GTPBP6: variants seen among roughly 807,000 people sequenced by gnomAD.
GTPBP6 encodes the protein putative GTP-binding protein 6.
Under a neutral mutation model 28.9 loss-of-function variants are expected in GTPBP6, and 33 were observed. The ratio of observed to expected loss-of-function variants is 1.14; its 90% confidence interval spans 0.87 to 1.53. The LOEUF is 1.53. GTPBP6 is among the 40% of genes most tolerant of loss of function. The pLI, the probability that GTPBP6 is intolerant of heterozygous loss-of-function variation, is 0.00. For missense variants in GTPBP6, 507 were observed against 408.3 expected (o/e 1.24, Z -2.08); for synonymous variants, 231 against 192.7 (o/e 1.20, Z -1.65).
chrX:307,938 T>A, intron 7 of GTPBP6, 58 bp from the exon 8 acceptor site: 1 of 1,407,052 alleles, frequency 7.1e-7, no homozygotes, highest in South Asian at 1.7e-5. Context: ...ACCCCAAGCT[T>A]GCAGACAGGC....
In GTPBP6 at chrX:313,925, G is replaced by T. The variant is rs4074621; in HGVS notation, c.757+225C>A. Among the ~76,000 whole-genome samples the T allele has an allele frequency of 8.6e-5, 10 of 116,032 alleles. No individual in the cohort carries two copies. The East Asian group carries it at 1.9e-3, about 22-fold the overall frequency. The allele number at this position is 116,032 out of a possible 152,430, so 76.1% of individuals were successfully genotyped here. On this transcript the variant is annotated intron_variant, in intron 5 of 9. Coordinates refer to ENST00000326153, the Ensembl canonical transcript of GTPBP6. Reference sequence around the variant, plus strand: ...TAGGCAAAACCTCCAAAAACCACCAGCATCTCCTATCTCCTCAAATGCTAC... The same window carrying T: ...TAGGCAAAACCTCCAAAAACCACCATCATCTCCTATCTCCTCAAATGCTAC...
chrX:316,340 GACACAC>G (rs1168593634), intron 2 of GTPBP6, among the ~76,000 whole-genome samples: 44 of 94,846 alleles, frequency 4.6e-4, no homozygotes, highest in African/African-American at 1.1e-3. Flanking sequence ...TCCCATTGGG[GACACAC>G]ACACACACAC....
exon 9 of GTPBP6, chrX:307,400 T>G (rs760540454): frequency 1.2e-6 from 2 of 1,612,606 alleles, no homozygotes; most frequent in East Asian, 4.5e-5. Context: ...AGAGTGAGGA[T>G]CTGTCTCCCC....
rs764614916 is a variant in GTPBP6 at position 306,254 on chromosome X, A to T, written c.1428-1057T>A. 4.0e-5 allele frequency among the ~76,000 whole-genome samples: 6 copies of T among 148,694 alleles called. No homozygotes were observed. The South Asian group carries it at 1.2e-3, about 31-fold the overall frequency. On this transcript the variant is annotated intron_variant, in intron 9 of 9. Transcript: ENST00000326153. ...AGGCACCTGTTGTATGCAGTCAGAA[A>T]TGTACATTTTGACTGTCAGCACAGA...
intron 7 of GTPBP6, among the ~76,000 whole-genome samples, chrX:310,644 G>C (rs1396910152): frequency 6.6e-6 from 1 of 150,840 alleles, no homozygotes; most frequent in Non-Finnish European, 1.5e-5. Context: ...CAGAGGAGAA[G>C]GCCACAGACA....
intron 7 of GTPBP6, among the ~76,000 whole-genome samples, chrX:309,344 C>T (rs2070237384): frequency 1.3e-5 from 2 of 152,278 alleles, no homozygotes; most frequent in Middle Eastern, 3.4e-3. Flanking sequence ...TCCACATCCA[C>T]CAGCAGCCTC....
rs2070206087 is a variant in GTPBP6 at position 307,873 on chromosome X, A to G, written c.1133T>C (p.Ile378Thr). ...GTGGCTGACGTCCCTCACGTGCAAG[A>G]TGAGATCCTGTGGGCCGGGCCGTGG... The change falls in exon 8 of 10, where the codon ATC (isoleucine) becomes ACC (threonine). Residue 378 changes from isoleucine (I) to threonine (T), a missense_variant. Transcript: ENST00000326153. The G allele has an allele frequency of 3.9e-6, 6 of 1,526,376 alleles. No individual in the cohort carries two copies. The East Asian group carries it at 1.4e-4, about 36-fold the overall frequency. The allele number at this position is 1,526,376 out of a possible 1,614,324, so 94.6% of individuals were successfully genotyped here.
At chrX:311,187 G>GT (rs1491496906) in intron 7 of GTPBP6, among the ~76,000 whole-genome samples, 88 of 144,048 alleles carry the variant, frequency 6.1e-4, no homozygotes, top group African/African-American at 2.3e-3. Flanking sequence ...GCCCCGAGTT[G>GT]GGTGGGTGTC....
intron 9 of GTPBP6, 89 bp downstream of exon 9, chrX:307,271 C>G: frequency 8.1e-7 from 1 of 1,232,634 alleles, no homozygotes; most frequent in Non-Finnish European, 1.2e-6. Flanking sequence ...GATCTCACAG[C>G]TCCTTGTGCA....
intron 4 of GTPBP6, among the ~76,000 whole-genome samples, chrX:314,498 A>G (rs1243097407): frequency 2.1e-5 from 3 of 145,894 alleles, no homozygotes; most frequent in South Asian, 4.3e-4. Context: ...TTTTAGACGG[A>G]GTCTCGCTCT....
In GTPBP6 at chrX:307,555, C is replaced by T. The variant is rs57181772; in HGVS notation, c.1275-43G>A. 3.1e-3 allele frequency: 4,900 copies of T among 1,596,892 alleles called. 83 individuals are homozygous for T. The African/African-American group carries it at 0.057, about 18-fold the overall frequency. On this transcript the variant is annotated intron_variant, in intron 8 of 9. Coordinates refer to ENST00000326153, the Ensembl canonical transcript of GTPBP6. The stretch of plus-strand genomic sequence containing the variant: ...TCACAGGCCCCGCTCAGCGTCGGGG[C>T]GGCCGGACGAAATCAGGGTCCCCAG...
At chrX:306,522 TAC>T (rs926885974) in intron 9 of GTPBP6, among the ~76,000 whole-genome samples, 48 of 146,174 alleles carry the variant, frequency 3.3e-4, no homozygotes, top group East Asian at 9.8e-4. Context: ...GTCAGAAATG[TAC>T]ATTTTGTCAG....
rs753373688 is a variant in GTPBP6 at position 305,237 on chromosome X, C to T, written c.1428-40G>A. ...GCGTTGTATGGAGACAAGCAGAACC[C>T]GTAAGTATTTGCTTAGTTTCATGAT... On this transcript the variant is annotated intron_variant, in intron 9 of 9. Coordinates refer to ENST00000326153, the Ensembl canonical transcript of GTPBP6. 24 of 1,443,508 alleles carry T rather than the reference C, an allele frequency of 1.7e-5. No individual in the cohort carries two copies. In the East Asian group the frequency reaches 2.5e-4, roughly 15 times the overall value. 89.4% of individuals were successfully genotyped at this position (1,443,508 alleles called of 1,614,324 possible). A position where few individuals can be genotyped will look rare whatever the true frequency, so the allele number is the denominator to read the frequency against.
intron 2 of GTPBP6, among the ~76,000 whole-genome samples, chrX:316,276 CA>C (rs2070438502): frequency 2.0e-5 from 1 of 48,830 alleles, no homozygotes; most frequent in Non-Finnish European, 4.9e-5. Flanking sequence ...GACACACACA[CA>C]GTAAATACAT....
rs1556036245 is a variant in GTPBP6, at chrX:316,340, G to GACACACGGACACACACAC, written c.487+573_487+574insGTGTGTGTGTCCGTGTGT. On this transcript the variant is annotated intron_variant, in intron 2 of 9. Transcript: ENST00000326153. ...TGCACCGTGGACACATCCCATTGGG[G>GACACACGGACACACACAC]ACACACACACACACACACACACACA... Among the ~76,000 whole-genome samples the GACACACGGACACACACAC allele has an allele frequency of 3.2e-5, 3 of 94,810 alleles. No individual in the cohort carries two copies. In the East Asian group the frequency reaches 9.3e-4, roughly 30 times the overall value. 62.2% of individuals were successfully genotyped at this position (94,810 alleles called of 152,430 possible).
Position 310,913 on chromosome X carries a change from C to T in GTPBP6, c.1125+506G>A, listed in dbSNP as rs182881775. On this transcript the variant is annotated intron_variant, in intron 7 of 9. Transcript: ENST00000326153. ...TCACCGTGCTGTGTCCGCCACTGCC[C>T]GCACGTCTGTGACACGAACGGTCAC... 5.1e-3 allele frequency among the ~76,000 whole-genome samples: 748 copies of T among 147,286 alleles called. 2 individuals carry two copies. Among genetic ancestry groups the T allele is most frequent in the Non-Finnish European group, 7.7e-3 (513 of 66,846 alleles).
At chrX:307,547 C>A (rs1287912016) in intron 8 of GTPBP6, 35 bp from the exon 9 acceptor site, 1 of 1,603,262 alleles carries the variant, frequency 6.2e-7, no homozygotes, top group African/African-American at 1.3e-5. Flanking sequence ...CCCCGCTCAG[C>A]GTCGGGGCGG....
intron 7 of GTPBP6, among the ~76,000 whole-genome samples, chrX:308,117 C>T (rs1351784535): frequency 1.3e-5 from 2 of 152,160 alleles, no homozygotes; most frequent in Non-Finnish European, 2.9e-5. Context: ...CAGCTCCGCA[C>T]CCCCAGACCC....
intron 7 of GTPBP6, among the ~76,000 whole-genome samples, chrX:308,597 T>C (rs1219104629): frequency 6.6e-6 from 1 of 151,972 alleles, no homozygotes; most frequent in East Asian, 1.9e-4. Flanking sequence ...GGAGGATCAC[T>C]TGAGCCCAGG....
Sources: allele counts gnomAD v4.1 joint callset (sites outside exome capture counted in the v4.1 genomes callset), GRCh38; gene constraint gnomAD v4.1.1; transcripts MANE v1.5; gene names NCBI Gene and HGNC (gene_info 2026-07-23, HGNC 2026-07-21).